Variants in FSTL5 observed in about 807,000 individuals in gnomAD.
FSTL5 encodes the protein follistatin-related protein 5.
Under a neutral mutation model 89.1 loss-of-function variants are expected in FSTL5, and 62 were observed. The ratio of observed to expected loss-of-function variants is 0.70; its 90% CI spans 0.57 to 0.86. The LOEUF (loss-of-function observed/expected upper bound fraction) is 0.86. Ranked by LOEUF, FSTL5 falls within the 40% of genes least tolerant of loss-of-function variation. The pLI is 0.00. For synonymous variants in FSTL5, 383 were observed against 346.2 expected, an observed-to-expected ratio of 1.11 and a Z score of -1.18; for missense variants, 1,057 against 1,001.6, an observed-to-expected ratio of 1.06 and a Z score of -0.75.
chr4:161,702,328 A>G (rs1283333185), intron 6 of FSTL5, among the ~76,000 whole-genome samples: 1 of 152,190 alleles, frequency 6.6e-6, no homozygotes, highest in Non-Finnish European at 1.5e-5. Context: ...AATTATTACC[A>G]GGTCAATTTA....
chr4:161,427,212 ACTT>A (rs1732194637), intron 15 of FSTL5, among the ~76,000 whole-genome samples: 4 of 152,196 alleles, frequency 2.6e-5, no homozygotes, highest in Admixed American at 1.3e-4. Context: ...ATTTTATTAA[ACTT>A]CTGCTGAATG....
intron 2 of FSTL5, among the ~76,000 whole-genome samples, chr4:162,078,938 A>G (rs1272095981): frequency 6.6e-6 from 1 of 151,744 alleles, no homozygotes; most frequent in African/African-American, 2.4e-5. Flanking sequence ...CAGGAGAGAA[A>G]CTTGGGCATG....
At chr4:161,537,038 T>G (rs1023630247) in intron 10 of FSTL5, among the ~76,000 whole-genome samples, 3 of 152,130 alleles carry the variant, frequency 2.0e-5, no homozygotes, top group Non-Finnish European at 4.4e-5. Context: ...AAGACTTTCC[T>G]TCTTAAATAT....
intron 4 of FSTL5, among the ~76,000 whole-genome samples, chr4:161,804,410 T>C (rs1421597658): frequency 6.6e-6 from 1 of 152,010 alleles, no homozygotes; most frequent in African/African-American, 2.4e-5. Context: ...TTTTTCTTAA[T>C]ATTGAGTTAT....
At chr4:161,682,948 T>C (rs1737577495) in intron 6 of FSTL5, among the ~76,000 whole-genome samples, 1 of 152,052 alleles carries the variant, frequency 6.6e-6, no homozygotes, top group African/African-American at 2.4e-5. Flanking sequence ...GGTTTCACCA[T>C]ATTGGCCAGG....
chr4:161,424,291 T>G (rs967290603), intron 15 of FSTL5, among the ~76,000 whole-genome samples: 1 of 151,984 alleles, frequency 6.6e-6, no homozygotes, highest in African/African-American at 2.4e-5. Flanking sequence ...TGAAGTGGTT[T>G]TAATATAATT....
chr4:161,841,746 A>G (rs2126872253), intron 4 of FSTL5, among the ~76,000 whole-genome samples: 1 of 152,306 alleles, frequency 6.6e-6, no homozygotes, highest in African/African-American at 2.4e-5. Flanking sequence ...TAGGAGTAGA[A>G]AGGTGGCCCA....
At chr4:162,137,021 T>C (rs890535990) in intron 1 of FSTL5, among the ~76,000 whole-genome samples, 16 of 152,044 alleles carry the variant, frequency 1.1e-4, no homozygotes, top group Non-Finnish European at 1.9e-4. Context: ...CCCAGTTACA[T>C]ATAGTGGGTA....
chr4:161,727,202 T>C (rs1050639870), intron 6 of FSTL5, among the ~76,000 whole-genome samples: 1 of 152,188 alleles, frequency 6.6e-6, no homozygotes, highest in Non-Finnish European at 1.5e-5. Flanking sequence ...CTTGACCTTA[T>C]ACATATTTTT....
intron 4 of FSTL5, among the ~76,000 whole-genome samples, chr4:161,919,392 T>C (rs1422812580): frequency 6.6e-6 from 1 of 152,168 alleles, no homozygotes; most frequent in African/African-American, 2.4e-5. Context: ...AAGCTCTACA[T>C]GTCATTTTTA....
chr4:161,940,044 A>T (rs1734535598), intron 3 of FSTL5, among the ~76,000 whole-genome samples: 1 of 151,976 alleles, frequency 6.6e-6, no homozygotes, highest in Non-Finnish European at 1.5e-5. Context: ...TAAGCCCATG[A>T]TTTCAGAAAT....
intron 15 of FSTL5, among the ~76,000 whole-genome samples, chr4:161,411,637 C>G (rs1015657963): frequency 3.3e-5 from 5 of 152,158 alleles, no homozygotes; most frequent in Admixed American, 6.5e-5. Flanking sequence ...ATCTAACATC[C>G]CTTCATGATT....
chr4:161,935,638 G>A (rs77388367), intron 3 of FSTL5, among the ~76,000 whole-genome samples: 8,283 of 152,078 alleles, frequency 0.054, 286 homozygotes, highest in Non-Finnish European at 0.08. Context: ...TTTTTTTAAA[G>A]CTCGTGGATA....
At chr4:161,646,060 A>C (rs1736143931) in intron 7 of FSTL5, among the ~76,000 whole-genome samples, 1 of 151,062 alleles carries the variant, frequency 6.6e-6, no homozygotes, top group Admixed American at 6.6e-5. Flanking sequence ...ATGTTAAAAA[A>C]AATTTTGCAG....
intron 2 of FSTL5, among the ~76,000 whole-genome samples, chr4:162,045,106 T>C (rs1047248858): frequency 6.6e-6 from 1 of 152,206 alleles, no homozygotes; most frequent in Non-Finnish European, 1.5e-5. Context: ...GAGGCTTAGC[T>C]TTCAGCCTGT....
At chr4:161,866,695 T>C (rs541403563) in intron 4 of FSTL5, among the ~76,000 whole-genome samples, 6 of 151,904 alleles carry the variant, frequency 3.9e-5, no homozygotes, top group Non-Finnish European at 8.8e-5. Context: ...TTATTCTGAT[T>C]AAATTTAGCA....
chr4:161,893,482 T>C (rs1381311354), intron 4 of FSTL5, among the ~76,000 whole-genome samples: 1 of 152,138 alleles, frequency 6.6e-6, no homozygotes. Flanking sequence ...CAATATAAAC[T>C]AAAGCCATCA....
chr4:161,863,395 C>T (rs1579151184), intron 4 of FSTL5, among the ~76,000 whole-genome samples: 2 of 152,216 alleles, frequency 1.3e-5, no homozygotes, highest in East Asian at 3.9e-4. Flanking sequence ...AGGGTGAATG[C>T]TTTTATTCGG....
At chr4:161,849,298 G>A (rs1445878182) in intron 4 of FSTL5, among the ~76,000 whole-genome samples, 1 of 151,940 alleles carries the variant, frequency 6.6e-6, no homozygotes, top group African/African-American at 2.4e-5. Context: ...TGCACATCCT[G>A]TGGTATCAGT....
Sources: gnomAD v4.1 joint callset for allele counts (sites outside exome capture counted in the v4.1 genomes callset) on GRCh38, gnomAD v4.1.1 for gene constraint, MANE v1.5 for transcripts, NCBI Gene and HGNC (gene_info 2026-07-23, HGNC 2026-07-21) for gene names.